The following GPR158 variants were observed in gnomAD, a reference collection of about 807,000 sequenced individuals.
GPR158 encodes the protein G protein-coupled receptor 158.
In GPR158, 30 loss-of-function variants were observed where a neutral mutation model predicts 78.2. That is an observed-to-expected ratio of 0.38 (90% CI 0.29 to 0.52). The LOEUF is 0.52. GPR158 is among the 20% of genes least tolerant of loss of function. The pLI is 0.83. For missense variants in GPR158, 1,463 were observed against 1,523.5 expected (o/e 0.96, Z 0.66); for synonymous variants, 581 against 591.1 (o/e 0.98, Z 0.25).
chr10:25,374,109 G>T (rs904354375), intron 2 of GPR158, among the ~76,000 whole-genome samples: 6 of 151,416 alleles, frequency 4.0e-5, no homozygotes, highest in Admixed American at 6.6e-5. Context: ...TATATTATTG[G>T]TGCATATATA....
At chr10:25,194,741 T>G (rs556224085) in intron 1 of GPR158, among the ~76,000 whole-genome samples, 2 of 152,268 alleles carry the variant, frequency 1.3e-5, no homozygotes, top group African/African-American at 4.8e-5. Context: ...AAATGTGGAA[T>G]TTGGTTTCGT....
intron 1 of GPR158, among the ~76,000 whole-genome samples, chr10:25,193,031 G>A (rs189463253): frequency 3.3e-5 from 5 of 152,172 alleles, no homozygotes; most frequent in East Asian, 1.9e-4. Flanking sequence ...TTCAATTTAC[G>A]TATTTTCAAC....
At position 25,176,028 on chromosome 10, in the gene GPR158, T is replaced by C. The variant is rs1440425083; in HGVS notation, c.608T>C (p.Leu203Pro). 1.2e-6 allele frequency: 2 copies of C among 1,611,622 alleles called. No individual in the cohort carries two copies. The highest frequency in any genetic ancestry group is 1.1e-5 in the South Asian group (1 of 90,768). The part of the protein sequence containing the change: ...QATREESRIL[L>P]QDLSSSAPHL... ...ACGCGCGAGGAGAGCCGCATCCTGC[T>C]CCAAGACCTGTCCTCCTCCGCACCC... is the stretch of plus-strand genomic sequence containing the variant. Residue 203 changes from leucine to proline, a missense_variant, in exon 1 of 11, where the codon CTC becomes CCC. Leu to Pro is a moderately conservative substitution (Grantham distance 98). Transcript: ENST00000376351. The surrounding 1 kb of genome is among the most constrained non-coding windows in gnomAD (Gnocchi z 6.3).
chr10:25,546,571 TA>T (rs1836665226), intron 5 of GPR158, among the ~76,000 whole-genome samples: 1 of 152,212 alleles, frequency 6.6e-6, no homozygotes, highest in African/African-American at 2.4e-5. Context: ...CCTCTCACCA[TA>T]TTAGTTACAT....
At chr10:25,436,932 T>C (rs976470527) in intron 4 of GPR158, among the ~76,000 whole-genome samples, 7 of 151,918 alleles carry the variant, frequency 4.6e-5, no homozygotes, top group African/African-American at 1.5e-4. Context: ...GCAAAAGCAA[T>C]GGAGGGATGA....
intron 2 of GPR158, among the ~76,000 whole-genome samples, chr10:25,285,861 A>G (rs1854343835): frequency 6.6e-6 from 1 of 152,216 alleles, no homozygotes; most frequent in Non-Finnish European, 1.5e-5. Context: ...GAAAAGTCTT[A>G]GATTCTCCTT....
At chr10:25,497,609 G>T (rs893311213) in intron 5 of GPR158, among the ~76,000 whole-genome samples, 1 of 152,034 alleles carries the variant, frequency 6.6e-6, no homozygotes, top group Non-Finnish European at 1.5e-5. Context: ...CTCTATTCTC[G>T]GTATTTAGTT....
At chr10:25,193,586 G>C (rs1024860472) in intron 1 of GPR158, among the ~76,000 whole-genome samples, 8 of 152,172 alleles carry the variant, frequency 5.3e-5, no homozygotes, top group African/African-American at 1.9e-4. Flanking sequence ...AAAATGTTGT[G>C]GTAACATAGA....
chr10:25,293,836 C>A (rs1281561261), intron 2 of GPR158, among the ~76,000 whole-genome samples: 2 of 151,696 alleles, frequency 1.3e-5, no homozygotes, highest in Non-Finnish European at 1.5e-5. Flanking sequence ...ACCTCCGCCT[C>A]CTGGGTTCAA....
rs755859882 is a variant in GPR158 at position 25,379,777 on chromosome 10, CTCT to C, written c.1009-16126_1009-16124del. Among the ~76,000 whole-genome samples the C allele has an allele frequency of 1.2e-4, 18 of 150,082 alleles. No homozygotes were observed. In the South Asian group the frequency reaches 1.5e-3, roughly 12 times the overall value. On this transcript the variant is annotated intron_variant, in intron 2 of 10. Coordinates refer to ENST00000376351, the MANE Select transcript of GPR158 (RefSeq NM_020752.3). ...GAGAGTGCCAAAACTTAGGTGGCAT[CTCT>C]TCTTCTTATCAGCTTACATCTGTCT...
chr10:25,291,586 C>T (rs1367202737), intron 2 of GPR158, among the ~76,000 whole-genome samples: 2 of 151,800 alleles, frequency 1.3e-5, no homozygotes, highest in African/African-American at 4.8e-5. Context: ...AGTTAGCATA[C>T]CTTAATGCAT....
In GPR158 at chr10:25,601,553, GA is replaced by G. The variant is rs1837498342; in HGVS notation, c.*2280del. 6.6e-6 allele frequency: 1 copy of G among 152,586 alleles called. No individual in the cohort carries two copies. Among genetic ancestry groups the G allele is most frequent in the Non-Finnish European group, 1.5e-5 (1 of 68,044 alleles). The allele number at this position is 152,586 out of a possible 1,614,324, so 9.5% of individuals were successfully genotyped here. A position where few individuals can be genotyped will look rare whatever the true frequency, so the allele number is the denominator to read the frequency against. On this transcript the variant is annotated 3_prime_UTR_variant, in exon 11 of 11. Transcript: ENST00000376351. ...TCAGGATTGATCCTGCTAGAGATGTGAGTTAAAAAGACTTGCCAAATTATAT... is the reference window on the plus strand; with the variant it reads ...TCAGGATTGATCCTGCTAGAGATGTGGTTAAAAAGACTTGCCAAATTATAT...
intron 7 of GPR158, among the ~76,000 whole-genome samples, chr10:25,575,418 G>T (rs1482341094): frequency 6.6e-6 from 1 of 152,032 alleles, no homozygotes; most frequent in South Asian, 2.1e-4. Context: ...AGAAAGAGCG[G>T]CTCTCAAAGT....
chr10:25,186,369 G>A (rs1162090269), intron 1 of GPR158, among the ~76,000 whole-genome samples: 6 of 152,206 alleles, frequency 3.9e-5, no homozygotes, highest in South Asian at 2.1e-4. Context: ...AAATAACTAA[G>A]ATCAGAGCAG....
intron 4 of GPR158, among the ~76,000 whole-genome samples, chr10:25,456,580 G>A (rs1389530719): frequency 6.6e-6 from 1 of 152,124 alleles, no homozygotes; most frequent in East Asian, 1.9e-4. Context: ...GAATTTTAAA[G>A]TAGTTACCTT....
chr10:25,459,178 T>A (rs1435114527), intron 4 of GPR158, among the ~76,000 whole-genome samples: 3 of 152,172 alleles, frequency 2.0e-5, no homozygotes, highest in African/African-American at 7.2e-5. Context: ...TTTTATCAGG[T>A]GTTTGTCAGG....
intron 2 of GPR158, among the ~76,000 whole-genome samples, chr10:25,367,948 A>G (rs1439285976): frequency 6.6e-6 from 1 of 151,846 alleles, no homozygotes; most frequent in Admixed American, 6.6e-5. Flanking sequence ...AACAGGCTGG[A>G]TTTCCAATTG....
At chr10:25,330,722 G>A (rs1258176865) in intron 2 of GPR158, among the ~76,000 whole-genome samples, 1 of 151,976 alleles carries the variant, frequency 6.6e-6, no homozygotes. Context: ...GTTGAAATTT[G>A]ACTCATTGAC....
intron 5 of GPR158, among the ~76,000 whole-genome samples, chr10:25,515,289 G>C (rs1836148163): frequency 6.6e-6 from 1 of 151,878 alleles, no homozygotes; most frequent in East Asian, 1.9e-4. Context: ...CTATAGCTGA[G>C]ACTTTCCAGT....
Sources: gnomAD v4.1 joint callset for allele counts (sites outside exome capture counted in the v4.1 genomes callset) on GRCh38, gnomAD v4.1.1 for gene constraint, Gnocchi (gnomAD v3.1) non-coding constraint, MANE v1.5 for transcripts, NCBI Gene and HGNC (gene_info 2026-07-23, HGNC 2026-07-21) for gene names.